CRCP: variants seen among roughly 807,000 people sequenced by gnomAD.
The protein encoded by CRCP is CGRP receptor component.
A neutral mutation model predicts 18.5 loss-of-function variants in CRCP; 18 were observed. That is an observed-to-expected ratio of 0.97 (90% CI 0.67 to 1.44). CRCP has a LOEUF of 1.44. Ranked by LOEUF, CRCP falls within the 40% of genes most tolerant of loss-of-function variation. CRCP has a pLI of 0.00. For missense variants in CRCP, 130 were observed against 176.4 expected (o/e 0.74, Z 1.49); for synonymous variants, 53 against 62.9 (o/e 0.84, Z 0.75).
chr7:66,150,025 C>T (rs1788410167), intron 5 of CRCP, among the ~76,000 whole-genome samples: 1 of 151,992 alleles, frequency 6.6e-6, no homozygotes, highest in Admixed American at 6.5e-5. Context: ...CCAGGATGGT[C>T]TCGATCTCCT....
chr7:66,124,406 CG>C (rs1434111237), intron 1 of CRCP, among the ~76,000 whole-genome samples: 1 of 152,068 alleles, frequency 6.6e-6, no homozygotes, highest in Non-Finnish European at 1.5e-5. Flanking sequence ...CCTGTATACG[CG>C]TTACCTAGAG....
rs199915776 is a variant in CRCP, at chr7:66,140,109, G to T, written c.240-5334G>T. Among the ~76,000 whole-genome samples the T allele has an allele frequency of 4.1e-4, 63 of 152,376 alleles. No individual in the cohort carries two copies. The East Asian group carries it at 8.9e-3, about 21-fold the overall frequency. On this transcript the variant is annotated intron_variant, in intron 4 of 5. Coordinates refer to ENST00000395326, the MANE Select transcript of CRCP (RefSeq NM_014478.5). ...CCTGTTGCTGGTCCCCACCTGGGGG[G>T]CTGCCCTTGAGTTGTGAGCTCCTCC...
At chr7:66,143,250 T>C (rs1313037341) in intron 4 of CRCP, among the ~76,000 whole-genome samples, 1 of 152,188 alleles carries the variant, frequency 6.6e-6, no homozygotes, top group Non-Finnish European at 1.5e-5. Flanking sequence ...CATTCCTCAC[T>C]GTCTGCCTCC....
chr7:66,140,581 G>T (rs375923968), intron 4 of CRCP, among the ~76,000 whole-genome samples: 1 of 151,908 alleles, frequency 6.6e-6, no homozygotes, highest in African/African-American at 2.4e-5. Flanking sequence ...TAGTAGAGAC[G>T]GGGTTTCTCC....
At chr7:66,134,077 C>A (rs1787895117) in intron 3 of CRCP, among the ~76,000 whole-genome samples, 1 of 151,778 alleles carries the variant, frequency 6.6e-6, no homozygotes, top group South Asian at 2.1e-4. Flanking sequence ...CCAGGCTGGT[C>A]TCGAACTCCT....
At chr7:66,117,593 C>G (rs1382122706) in intron 1 of CRCP, among the ~76,000 whole-genome samples, 3 of 152,140 alleles carry the variant, frequency 2.0e-5, no homozygotes. Flanking sequence ...GCTTTGTAGT[C>G]CATCACCTCT....
At chr7:66,141,704 G>A (rs1010705890) in intron 4 of CRCP, among the ~76,000 whole-genome samples, 8 of 152,308 alleles carry the variant, frequency 5.3e-5, no homozygotes, top group East Asian at 1.9e-4. Context: ...AGGAGCAGCC[G>A]CTGGATTTGT....
At chr7:66,118,345 T>C (rs1055556680) in intron 1 of CRCP, among the ~76,000 whole-genome samples, 26 of 152,178 alleles carry the variant, frequency 1.7e-4, no homozygotes, top group Admixed American at 7.2e-4. Flanking sequence ...CTAACATAAG[T>C]TCTTTTTGTC....
At chr7:66,147,433 G>A (rs316319) in intron 5 of CRCP, among the ~76,000 whole-genome samples, 1 of 152,022 alleles carries the variant, frequency 6.6e-6, no homozygotes, top group Non-Finnish European at 1.5e-5. Context: ...TCGAATGCCC[G>A]CCCCATAGTC....
intron 1 of CRCP, among the ~76,000 whole-genome samples, chr7:66,119,088 G>C (rs1001078481): frequency 2.6e-5 from 4 of 152,194 alleles, no homozygotes; most frequent in African/African-American, 7.2e-5. Flanking sequence ...ACCACACACA[G>C]AGGCCAGGGA....
intron 3 of CRCP, among the ~76,000 whole-genome samples, chr7:66,131,065 C>A (rs1016644083): frequency 6.6e-6 from 1 of 152,192 alleles, no homozygotes; most frequent in Non-Finnish European, 1.5e-5. Context: ...AGCTCCACCT[C>A]CCAGGTTCAT....
Position 66,151,219 on chromosome 7 carries a change from C to T in CRCP, c.298-989C>T, listed in dbSNP as rs542271680. Among the ~76,000 whole-genome samples, 8 of 152,248 alleles carry T rather than the reference C, an allele frequency of 5.3e-5. No homozygotes were observed. The South Asian group carries it at 1.5e-3, about 28-fold the overall frequency. On this transcript the variant is annotated intron_variant, in intron 5 of 5. Coordinates refer to ENST00000395326, the MANE Select transcript of CRCP (RefSeq NM_014478.5). ...GGGAGTGAGGATTAGAAGAAGGCTC[C>T]AAACCATTTGGCACATAGTGGGCAT...
intron 1 of CRCP, among the ~76,000 whole-genome samples, chr7:66,115,286 G>T (rs1395676413): frequency 1.3e-5 from 2 of 152,152 alleles, no homozygotes; most frequent in African/African-American, 2.4e-5. Flanking sequence ...CGGGGGTGGA[G>T]CCCAGTCTGG....
At chr7:66,141,867 C>G (rs1008897109) in intron 4 of CRCP, among the ~76,000 whole-genome samples, 1 of 152,140 alleles carries the variant, frequency 6.6e-6, no homozygotes, top group African/African-American at 2.4e-5. Context: ...TGTGCGCTGA[C>G]CCCCTTAATT....
chr7:66,114,990 T>A lies in CRCP; in HGVS notation c.8+20T>A. On this transcript the variant is annotated intron_variant, in intron 1 of 5. Transcript: ENST00000395326. ...GGAAGTGTAAGTCTTCTCGGGCGCG[T>A]CCCTTTTCGCCCGAGGAGCCCAACG... 1 of 1,606,950 alleles carries A rather than the reference T, an allele frequency of 6.2e-7. No homozygotes were observed. Among genetic ancestry groups the A allele is most frequent in the Non-Finnish European group, 8.5e-7 (1 of 1,174,688 alleles).
chr7:66,145,183 C>G (rs936447283), intron 4 of CRCP, among the ~76,000 whole-genome samples: 2 of 152,020 alleles, frequency 1.3e-5, no homozygotes, highest in Non-Finnish European at 2.9e-5. Flanking sequence ...AGAAAATGAC[C>G]CCCCTGTTTT....
At chr7:66,138,879 T>TC (rs1788052743) in intron 4 of CRCP, among the ~76,000 whole-genome samples, 1 of 151,832 alleles carries the variant, frequency 6.6e-6, no homozygotes, top group Non-Finnish European at 1.5e-5. Flanking sequence ...ATTTCAGCTT[T>TC]TTTTTCCCCA....
chr7:66,117,816 C>T (rs554936462), intron 1 of CRCP, among the ~76,000 whole-genome samples: 3 of 152,200 alleles, frequency 2.0e-5, no homozygotes, highest in Non-Finnish European at 4.4e-5. Context: ...CCCAGCCTTA[C>T]CACTTGCCAC....
chr7:66,126,395 T>TAA (rs1419340212), intron 1 of CRCP, among the ~76,000 whole-genome samples: 1 of 149,316 alleles, frequency 6.7e-6, no homozygotes, highest in East Asian at 2.0e-4. Flanking sequence ...CTCTACCTGA[T>TAA]TTTTAAGGAT....
Sources: allele counts gnomAD v4.1 joint callset (sites outside exome capture counted in the v4.1 genomes callset), GRCh38; gene constraint gnomAD v4.1.1; transcripts MANE v1.5; gene names NCBI Gene and HGNC (gene_info 2026-07-23, HGNC 2026-07-21).